Variants in ADCY2 observed in about 807,000 individuals in gnomAD.
ADCY2 encodes adenylate cyclase 2.
In ADCY2, 31 loss-of-function variants were observed where a neutral mutation model predicts 125.2. That is an observed-to-expected ratio of 0.25 (90% CI 0.19 to 0.33). ADCY2 has a LOEUF of 0.33. Among genes scored for constraint, ADCY2 ranks in the 10% least tolerant of loss-of-function variants. ADCY2 has a pLI of 1.00. For synonymous variants in ADCY2, 512 were observed against 548.4 expected (o/e 0.93, Z 0.93); for missense variants, 904 against 1,418.2 (o/e 0.64, Z 5.82).
At chr5:7,526,765 T>A (rs547009749) in intron 3 of ADCY2, among the ~76,000 whole-genome samples, 1 of 152,328 alleles carries the variant, frequency 6.6e-6, no homozygotes, top group Non-Finnish European at 1.5e-5. Flanking sequence ...GTTTTTTCTT[T>A]GTTATACTAA....
At chr5:7,824,190 T>G (rs1201725694) in intron 24 of ADCY2, among the ~76,000 whole-genome samples, 2 of 152,128 alleles carry the variant, frequency 1.3e-5, no homozygotes, top group Admixed American at 6.5e-5. Context: ...GAACGGGTTC[T>G]TTTTATTAAA....
chr5:7,489,379 C>T (rs1743073453), intron 2 of ADCY2, among the ~76,000 whole-genome samples: 1 of 152,204 alleles, frequency 6.6e-6, no homozygotes. Flanking sequence ...CCTTGCCACT[C>T]AGCCCTTCCT....
chr5:7,542,623 C>G (rs1171916567), intron 3 of ADCY2, among the ~76,000 whole-genome samples: 1 of 152,206 alleles, frequency 6.6e-6, no homozygotes, highest in Admixed American at 6.5e-5. Flanking sequence ...AGCAGTATGG[C>G]TATGAAATGA....
intron 5 of ADCY2, chr5:7,692,368 A>T (rs1375822488): frequency 6.6e-6 from 1 of 152,232 alleles, no homozygotes; most frequent in African/African-American, 2.4e-5. Context: ...GGAAACTCAT[A>T]TCAGGAAGGA....
intron 20 of ADCY2, chr5:7,799,620 T>C: frequency 6.6e-6 from 1 of 152,444 alleles, no homozygotes. Flanking sequence ...TCCTGGCCCT[T>C]CCCCTTAGCC....
At chr5:7,683,802 AT>A (rs1243909921) in intron 4 of ADCY2, among the ~76,000 whole-genome samples, 1 of 152,190 alleles carries the variant, frequency 6.6e-6, no homozygotes, top group African/African-American at 2.4e-5. Flanking sequence ...ACATAAAAAA[AT>A]ATTCTGTTTT....
rs566196304 is a variant in ADCY2, at chr5:7,592,265, T to C, written c.571-33902T>C. 6.6e-5 allele frequency among the ~76,000 whole-genome samples: 10 copies of C among 152,322 alleles called. No homozygotes were observed. The South Asian group carries it at 1.9e-3, about 28-fold the overall frequency. On this transcript the variant is annotated intron_variant, in intron 3 of 24. Coordinates refer to ENST00000338316, the MANE Select transcript of ADCY2 (RefSeq NM_020546.3). Reference sequence around the variant, plus strand: ...ATCTGGAATTCATTTTTAAATATTATGAAAACAGACTCTAGAAATGTTTTC... The same window carrying C: ...ATCTGGAATTCATTTTTAAATATTACGAAAACAGACTCTAGAAATGTTTTC...
At chr5:7,721,022 G>A (rs1369287581) in intron 12 of ADCY2, among the ~76,000 whole-genome samples, 7 of 152,158 alleles carry the variant, frequency 4.6e-5, no homozygotes, top group Non-Finnish European at 8.8e-5. Flanking sequence ...AACAGTGTAA[G>A]AGTGTTCCTA....
At chr5:7,434,159 T>G (rs1050563589) in intron 2 of ADCY2, among the ~76,000 whole-genome samples, 1 of 152,210 alleles carries the variant, frequency 6.6e-6, no homozygotes, top group African/African-American at 2.4e-5. Flanking sequence ...TAATTCATTC[T>G]GCATATTTGC....
intron 1 of ADCY2, among the ~76,000 whole-genome samples, chr5:7,401,738 C>A (rs183350086): frequency 6.6e-6 from 1 of 152,098 alleles, no homozygotes; most frequent in South Asian, 2.1e-4. Flanking sequence ...CCTATTAAGC[C>A]GTGATTCTTA....
chr5:7,566,004 G>A (rs898695422), intron 3 of ADCY2, among the ~76,000 whole-genome samples: 1 of 152,156 alleles, frequency 6.6e-6, no homozygotes, highest in Non-Finnish European at 1.5e-5. Flanking sequence ...CTAGCCTTAT[G>A]TTCATAATAA....
At chr5:7,590,765 A>G (rs940304949) in intron 3 of ADCY2, among the ~76,000 whole-genome samples, 3 of 152,190 alleles carry the variant, frequency 2.0e-5, no homozygotes, top group Non-Finnish European at 4.4e-5. Flanking sequence ...TCCATAATGT[A>G]AATGTGGTTA....
intron 4 of ADCY2, among the ~76,000 whole-genome samples, chr5:7,660,993 A>G (rs1418008536): frequency 1.3e-5 from 2 of 152,140 alleles, no homozygotes; most frequent in African/African-American, 2.4e-5. Context: ...AACTCAAAAA[A>G]TCTTCACTGC....
chr5:7,694,858 T>G (rs1484485079), intron 5 of ADCY2, among the ~76,000 whole-genome samples: 1 of 152,222 alleles, frequency 6.6e-6, no homozygotes, highest in Non-Finnish European at 1.5e-5. Context: ...ATATTGTTTT[T>G]CAGAGTGGCT....
intron 18 of ADCY2, among the ~76,000 whole-genome samples, 195 bp from the exon 19 acceptor site, chr5:7,784,170 T>C (rs1744010331): frequency 6.6e-6 from 1 of 152,232 alleles, no homozygotes; most frequent in Admixed American, 6.5e-5. Flanking sequence ...GATTTTACTG[T>C]GCTCTCAGAA....
chr5:7,727,636 A>ATAT (rs1741971489), intron 14 of ADCY2, among the ~76,000 whole-genome samples: 1 of 152,124 alleles, frequency 6.6e-6, no homozygotes. Flanking sequence ...TCTTATATTG[A>ATAT]AAGGGCATGA....
rs193143507 is a variant in ADCY2 at position 7,819,015 on chromosome 5, G to A, written c.2999-1550G>A. ...AGCCGAGGAGCAAGGAAGCCAGTCC[G>A]AGTCCCAAAGCTAAAGAACTTGGAG... On this transcript the variant is annotated intron_variant, in intron 23 of 24. Transcript: ENST00000338316. Among the ~76,000 whole-genome samples the A allele has an allele frequency of 4.8e-3, 738 of 152,292 alleles. 11 individuals are homozygous for A. Among genetic ancestry groups the A allele is most frequent in the African/African-American group, 0.017 (691 of 41,564 alleles).
chr5:7,515,097 G>C (rs1340378371), intron 2 of ADCY2, among the ~76,000 whole-genome samples: 2 of 152,150 alleles, frequency 1.3e-5, no homozygotes, highest in Non-Finnish European at 2.9e-5. Flanking sequence ...GGATTAAATG[G>C]TCCCTTCCAC....
intron 3 of ADCY2, among the ~76,000 whole-genome samples, chr5:7,530,955 G>T (rs1165631077): frequency 1.3e-5 from 2 of 152,086 alleles, no homozygotes; most frequent in African/African-American, 4.8e-5. Context: ...GCTCCCATAG[G>T]ACCCCATACA....
Sources: gnomAD v4.1 joint callset for allele counts (sites outside exome capture counted in the v4.1 genomes callset) on GRCh38, gnomAD v4.1.1 for gene constraint, MANE v1.5 for transcripts, NCBI Gene and HGNC (gene_info 2026-07-23, HGNC 2026-07-21) for gene names.